Variants in ZNF710 observed in about 807,000 individuals in gnomAD.
ZNF710 encodes the protein zinc finger protein 710.
Under a neutral mutation model 50.6 loss-of-function variants are expected in ZNF710, and 13 were observed. The ratio of observed to expected loss-of-function variants is 0.26; its 90% CI spans 0.17 to 0.41. ZNF710 has a LOEUF of 0.41. ZNF710 is among the 10% of genes least tolerant of loss of function. The probability of loss-of-function intolerance (pLI) is 1.00; values close to 1 mark genes in which losing one functional copy is unlikely to be tolerated. For missense variants in ZNF710, 721 were observed against 936.6 expected (o/e 0.77, Z 3.01); for synonymous variants, 383 against 397.0 (o/e 0.96, Z 0.42).
At chr15:90,025,492 A>T (rs1012129466) in intron 1 of ZNF710, 3 of 152,156 alleles carry the variant, frequency 2.0e-5, no homozygotes, top group Admixed American at 6.5e-5. Flanking sequence ...AATTACCAAC[A>T]CCATTTAGTA....
chr15:90,011,781 A>AAT (rs1371851764), intron 1 of ZNF710, among the ~76,000 whole-genome samples: 1 of 151,836 alleles, frequency 6.6e-6, no homozygotes, highest in Non-Finnish European at 1.5e-5. Flanking sequence ...TTTAGCCTAG[A>AAT]ATATATATAA....
chr15:90,026,260 C>A (rs1051002157), intron 1 of ZNF710, among the ~76,000 whole-genome samples: 20 of 40,722 alleles, frequency 4.9e-4, no homozygotes, highest in African/African-American at 2.0e-3. Flanking sequence ...AAAACAACAA[C>A]AACAACAACA....
intron 2 of ZNF710, among the ~76,000 whole-genome samples, chr15:90,069,094 G>T (rs1900288491): frequency 6.6e-6 from 1 of 152,030 alleles, no homozygotes; most frequent in African/African-American, 2.4e-5. Context: ...TGGGTGTGGT[G>T]GTGGATGCCT....
intron 2 of ZNF710, among the ~76,000 whole-genome samples, chr15:90,072,098 C>T (rs1596061884): frequency 6.6e-6 from 1 of 152,288 alleles, no homozygotes; most frequent in African/African-American, 2.4e-5. Flanking sequence ...GCCACCGTGC[C>T]CAGCCCAGCT....
Position 90,055,562 on chromosome 15 carries a change from T to A in ZNF710, c.-28-11548T>A, listed in dbSNP as rs1899786641. The stretch of plus-strand genomic sequence containing the variant: ...CAGGTGGGATGTCGTGACCGATTGG[T>A]ACAAGCATAAGGCTTGCTTCAGTCT... On this transcript the variant is annotated intron_variant, in intron 1 of 4. Coordinates refer to ENST00000268154, the MANE Select transcript of ZNF710 (RefSeq NM_198526.4). Among the ~76,000 whole-genome samples the A allele has an allele frequency of 2.6e-5, 4 of 152,300 alleles. 1 individual carries two copies. In the South Asian group the frequency reaches 8.3e-4, roughly 32 times the overall value.
chr15:90,038,740 T>TGTGAGA (rs150950322), intron 1 of ZNF710, among the ~76,000 whole-genome samples: 3 of 148,528 alleles, frequency 2.0e-5, no homozygotes, highest in African/African-American at 7.8e-5. Flanking sequence ...TGTGTGTGTG[T>TGTGAGA]GAGACATTGG....
intron 1 of ZNF710, among the ~76,000 whole-genome samples, chr15:90,050,130 A>G (rs886768995): frequency 6.6e-6 from 1 of 152,256 alleles, no homozygotes; most frequent in African/African-American, 2.4e-5. Context: ...CAGGAGATAC[A>G]TGAAGGCATT....
At chr15:90,035,653 A>T (rs796185711) in intron 1 of ZNF710, among the ~76,000 whole-genome samples, 2 of 152,156 alleles carry the variant, frequency 1.3e-5, no homozygotes, top group Non-Finnish European at 2.9e-5. Context: ...CGCACTTCCT[A>T]ATACCTGGTG....
chr15:90,055,761 TGG>T (rs1192732459), intron 1 of ZNF710, among the ~76,000 whole-genome samples: 2 of 152,168 alleles, frequency 1.3e-5, no homozygotes, highest in African/African-American at 2.4e-5. Context: ...AACAGTCTGG[TGG>T]GAGAGCCTGA....
chr15:90,011,805 C>G (rs1898311594), intron 1 of ZNF710, among the ~76,000 whole-genome samples: 1 of 151,928 alleles, frequency 6.6e-6, no homozygotes, highest in Non-Finnish European at 1.5e-5. Flanking sequence ...TGGCTTCATC[C>G]TTACTCTTAA....
intron 1 of ZNF710, among the ~76,000 whole-genome samples, chr15:90,004,455 A>G (rs535979257): frequency 2.0e-5 from 3 of 152,188 alleles, no homozygotes; most frequent in Admixed American, 6.5e-5. Flanking sequence ...CCCCTCCCAT[A>G]CCCTCGTTCC....
rs775113418 is a variant in ZNF710, at chr15:90,079,769, C to T, written c.1935C>T (p.Ala645=). 2.5e-5 allele frequency: 40 copies of T among 1,612,960 alleles called. No individual in the cohort carries two copies. The Admixed American group carries it at 5.4e-4, about 22-fold the overall frequency. ...GCTATGCGAGCGTGGACAGCAGCGC[C>T]GAGGCCAGTGTCCTCACTGAACAGG... ...AYSYASVDSS[A]EASVLTEQAM... The change falls in exon 5 of 5, where the codon GCC becomes GCT. Residue 645 remains alanine, a synonymous_variant. Coordinates refer to ENST00000268154, the MANE Select transcript of ZNF710 (RefSeq NM_198526.4).
intron 1 of ZNF710, among the ~76,000 whole-genome samples, chr15:90,018,377 A>C (rs930874036): frequency 1.3e-5 from 2 of 151,990 alleles, no homozygotes; most frequent in Non-Finnish European, 2.9e-5. Context: ...CCATGTTGGC[A>C]GGCTGGTCTT....
chr15:90,069,576 G>T (rs2151531027), intron 2 of ZNF710, among the ~76,000 whole-genome samples: 1 of 152,262 alleles, frequency 6.6e-6, no homozygotes, highest in Middle Eastern at 3.4e-3. Flanking sequence ...AGTACAGAGG[G>T]TGTCCTTTGT....
At chr15:90,036,450 C>A (rs1325985978) in intron 1 of ZNF710, among the ~76,000 whole-genome samples, 1 of 152,182 alleles carries the variant, frequency 6.6e-6, no homozygotes, top group Admixed American at 6.5e-5. Context: ...CACCGAGGGA[C>A]GTCCCTTCAG....
At chr15:90,060,108 C>T (rs1899960999) in intron 1 of ZNF710, among the ~76,000 whole-genome samples, 1 of 151,616 alleles carries the variant, frequency 6.6e-6, no homozygotes, top group African/African-American at 2.4e-5. Context: ...CCCCACCCCA[C>T]CCCCATACTG....
chr15:90,047,650 T>A (rs1183975289), intron 1 of ZNF710, among the ~76,000 whole-genome samples: 5 of 150,834 alleles, frequency 3.3e-5, no homozygotes, highest in Non-Finnish European at 7.4e-5. Flanking sequence ...AGTGGTGCGA[T>A]CTCAGCTCAC....
chr15:90,011,174 C>T (rs1018749356), intron 1 of ZNF710, among the ~76,000 whole-genome samples: 1 of 152,186 alleles, frequency 6.6e-6, no homozygotes, highest in African/African-American at 2.4e-5. Context: ...ACGTGATCCA[C>T]CCATCTCGGC....
At chr15:90,061,468 G>A (rs1012313931) in intron 1 of ZNF710, among the ~76,000 whole-genome samples, 3 of 152,146 alleles carry the variant, frequency 2.0e-5, no homozygotes, top group South Asian at 4.1e-4. Context: ...CTCCGCGCCC[G>A]CCCTTCAGTT....
Sources: gnomAD v4.1 joint callset for allele counts (sites outside exome capture counted in the v4.1 genomes callset) on GRCh38, gnomAD v4.1.1 for gene constraint, MANE v1.5 for transcripts, NCBI Gene and HGNC (gene_info 2026-07-23, HGNC 2026-07-21) for gene names.